Variants in PDE3B observed in about 807,000 individuals in gnomAD.
PDE3B encodes cGMP-inhibited 3',5'-cyclic phosphodiesterase 3B.
PDE3B carries 66 observed loss-of-function variants against 116.8 expected under a neutral mutation model. That is an observed-to-expected ratio of 0.56 (90% confidence interval 0.46 to 0.69). PDE3B has a LOEUF of 0.69. PDE3B is among the 30% of genes least tolerant of loss of function. The pLI is 0.00. For missense variants in PDE3B, 1,384 were observed against 1,368.1 expected, an observed-to-expected ratio of 1.01 and a Z score of -0.18; for synonymous variants, 595 against 533.6, an observed-to-expected ratio of 1.12 and a Z score of -1.59.
intron 1 of PDE3B, among the ~76,000 whole-genome samples, chr11:14,669,759 A>G (rs939683116): frequency 3.9e-5 from 6 of 152,110 alleles, no homozygotes; most frequent in African/African-American, 9.7e-5. Flanking sequence ...TTAAGGACAC[A>G]GTATCTGCAG....
intron 2 of PDE3B, 52 bp downstream of exon 2, chr11:14,772,039 T>C: frequency 1.3e-6 from 1 of 769,678 alleles, no homozygotes; most frequent in Non-Finnish European, 2.2e-6. Flanking sequence ...CTGTGATCAC[T>C]AAATAATATC....
chr11:14,833,441 A>G (rs1227628947), intron 10 of PDE3B, among the ~76,000 whole-genome samples: 2 of 152,064 alleles, frequency 1.3e-5, no homozygotes, highest in Non-Finnish European at 2.9e-5. Context: ...CTGCTTTTTC[A>G]CCTGGTTGTT....
chr11:14,832,163 T>G (rs2133963539), intron 9 of PDE3B, among the ~76,000 whole-genome samples: 1 of 152,300 alleles, frequency 6.6e-6, no homozygotes, highest in East Asian at 1.9e-4. Flanking sequence ...CATTTCATGC[T>G]AGAACCATGG....
At chr11:14,675,404 T>C (rs1854504207) in intron 1 of PDE3B, among the ~76,000 whole-genome samples, 1 of 152,140 alleles carries the variant, frequency 6.6e-6, no homozygotes, top group African/African-American at 2.4e-5. Flanking sequence ...ATAATTTACA[T>C]ATAATAAAAT....
intron 1 of PDE3B, among the ~76,000 whole-genome samples, chr11:14,700,457 A>G (rs958800123): frequency 6.6e-6 from 1 of 151,866 alleles, no homozygotes; most frequent in African/African-American, 2.4e-5. Flanking sequence ...TAAATTACTT[A>G]TGAACTGACA....
At chr11:14,841,107 A>T (rs964026691) in intron 11 of PDE3B, among the ~76,000 whole-genome samples, 6 of 152,002 alleles carry the variant, frequency 3.9e-5, no homozygotes. Context: ...ATAACCCTCC[A>T]TAAGGTCGGT....
chr11:14,699,616 T>C (rs953833413), intron 1 of PDE3B, among the ~76,000 whole-genome samples: 1 of 151,824 alleles, frequency 6.6e-6, no homozygotes, highest in Non-Finnish European at 1.5e-5. Flanking sequence ...TTGGCGTCTT[T>C]ATGAGTTTTC....
chr11:14,843,351 A>G (rs1565160796), intron 11 of PDE3B, among the ~76,000 whole-genome samples: 1 of 152,246 alleles, frequency 6.6e-6, no homozygotes, highest in East Asian at 1.9e-4. Context: ...CTACAAATGA[A>G]ATGTAATCTT....
the PDE3B span, among the ~76,000 whole-genome samples, chr11:14,897,053 CA>C: frequency 1.3e-5 from 2 of 152,180 alleles, no homozygotes; most frequent in African/African-American, 2.4e-5. Context: ...ATATCAGTGC[CA>C]CACATCTCAA....
intron 1 of PDE3B, among the ~76,000 whole-genome samples, chr11:14,703,758 A>G (rs945346394): frequency 6.6e-6 from 1 of 151,374 alleles, no homozygotes; most frequent in Non-Finnish European, 1.5e-5. Flanking sequence ...TACCCAGTTT[A>G]GGCCCGGTTG....
chr11:14,779,032 G>A (rs1030928717), intron 2 of PDE3B, among the ~76,000 whole-genome samples: 3 of 152,136 alleles, frequency 2.0e-5, no homozygotes, highest in Non-Finnish European at 4.4e-5. Flanking sequence ...ACATGCACAA[G>A]CTTCAGTAGC....
intron 4 of PDE3B, among the ~76,000 whole-genome samples, chr11:14,791,408 C>G (rs911860051): frequency 1.3e-5 from 2 of 151,988 alleles, no homozygotes; most frequent in East Asian, 1.9e-4. Context: ...GCTTTTTTGT[C>G]TGTTACTATT....
intron 1 of PDE3B, among the ~76,000 whole-genome samples, chr11:14,741,399 T>C (rs2133865615): frequency 6.6e-6 from 1 of 152,244 alleles, no homozygotes; most frequent in East Asian, 1.9e-4. Context: ...TTAAAGTCCG[T>C]TTTATCAGAG....
Position 14,803,965 on chromosome 11 carries a change from G to A in PDE3B, c.1437G>A (p.Gly479=), listed in dbSNP as rs1396715812. ...TTAGTCAAGGATGCTATCTAAATGG[G>A]CCTTTTAATTCAAATCTACTGACTA... ...GISSQGCYLN[G]PFNSNLLTIP... is the part of the protein sequence containing the mutation. Residue 479 remains glycine (G), a synonymous_variant, in exon 5 of 16, where the codon GGG becomes GGA. Transcript: ENST00000282096. 6.2e-7 allele frequency: 1 copy of A among 1,604,270 alleles called. No homozygotes were observed. The highest frequency in any genetic ancestry group is 2.2e-5 in the East Asian group (1 of 44,810).
intron 1 of PDE3B, among the ~76,000 whole-genome samples, chr11:14,682,185 G>A (rs1205930238): frequency 6.6e-6 from 1 of 152,186 alleles, no homozygotes; most frequent in Non-Finnish European, 1.5e-5. Flanking sequence ...GGAACAGTTA[G>A]TCTGTCTCAG....
At chr11:14,854,518 AT>A (rs72059847) in intron 12 of PDE3B, among the ~76,000 whole-genome samples, 19,031 of 143,800 alleles carry the variant, frequency 0.13, 1,231 homozygotes, top group African/African-American at 0.2. Flanking sequence ...GAAATCTAGA[AT>A]TTTTTTTTTT....
chr11:14,783,343 A>C (rs184086188), intron 2 of PDE3B, among the ~76,000 whole-genome samples: 125 of 152,316 alleles, frequency 8.2e-4, no homozygotes, highest in African/African-American at 2.7e-3. Context: ...ACAATAGCAA[A>C]GACTTGGAAC....
intron 7 of PDE3B, among the ~76,000 whole-genome samples, chr11:14,825,036 C>T (rs1041143366): frequency 6.6e-6 from 1 of 152,030 alleles, no homozygotes. Context: ...ACTAAGCTTC[C>T]TCAGTGAAGG....
intron 1 of PDE3B, among the ~76,000 whole-genome samples, chr11:14,660,156 G>T (rs563353210): frequency 2.0e-5 from 3 of 152,296 alleles, no homozygotes; most frequent in South Asian, 2.1e-4. Flanking sequence ...GAAGACAGAG[G>T]ATGTAGAGTT....
Sources: allele counts gnomAD v4.1 joint callset (sites outside exome capture counted in the v4.1 genomes callset), GRCh38; gene constraint gnomAD v4.1.1; transcripts MANE v1.5; gene names NCBI Gene and HGNC (gene_info 2026-07-23, HGNC 2026-07-21).